RALGPS1: variants seen among roughly 807,000 people sequenced by gnomAD.
The protein encoded by RALGPS1 is ras-specific guanine nucleotide-releasing factor RalGPS1.
A neutral mutation model predicts 78.8 loss-of-function variants in RALGPS1; 19 were observed. The observed-to-expected ratio is 0.24, with a 90% CI of 0.17 to 0.35. RALGPS1 has a LOEUF of 0.35. Among genes scored for constraint, RALGPS1 ranks in the 10% least tolerant of loss-of-function variants. The pLI is 1.00. For synonymous variants in RALGPS1, 228 were observed against 256.3 expected, an observed-to-expected ratio of 0.89 and a Z score of 1.06; for missense variants, 454 against 688.3, an observed-to-expected ratio of 0.66 and a Z score of 3.81.
At chr9:126,935,654 G>A (rs2036187790) in intron 1 of RALGPS1, among the ~76,000 whole-genome samples, 1 of 152,160 alleles carries the variant, frequency 6.6e-6, no homozygotes, top group Non-Finnish European at 1.5e-5. Flanking sequence ...GAAGAAGCAC[G>A]TTTCCAAAAC....
At chr9:127,152,351 G>A (rs1368002391) in intron 8 of RALGPS1, among the ~76,000 whole-genome samples, 2 of 152,094 alleles carry the variant, frequency 1.3e-5, no homozygotes, top group South Asian at 4.2e-4. Context: ...TTCAGCTTTG[G>A]GGTTTATTAA....
At chr9:127,209,333 A>G (rs2062108411) in intron 14 of RALGPS1, among the ~76,000 whole-genome samples, 1 of 152,222 alleles carries the variant, frequency 6.6e-6, no homozygotes, top group African/African-American at 2.4e-5. Flanking sequence ...GTAACAGTGA[A>G]GTTGGTGACT....
intron 1 of RALGPS1, among the ~76,000 whole-genome samples, chr9:126,954,001 A>ATCCACACATGCCCAGCGCCC (rs1409527819): frequency 1.3e-5 from 2 of 152,136 alleles, no homozygotes; most frequent in African/African-American, 4.8e-5. Context: ...TCCCCTGTGC[A>ATCCACACATGCCCAGCGCCC]TCCACACATG....
At chr9:127,079,495 T>C (rs1261969730) in intron 8 of RALGPS1, 5 of 152,242 alleles carry the variant, frequency 3.3e-5, no homozygotes, top group Non-Finnish European at 7.3e-5. Context: ...CTAACAAATA[T>C]GACAGAAATA....
chr9:127,204,011 A>G (rs1185853730), intron 14 of RALGPS1, among the ~76,000 whole-genome samples: 2 of 152,158 alleles, frequency 1.3e-5, no homozygotes, highest in African/African-American at 2.4e-5. Context: ...ACAGCCAGCC[A>G]TGCGGGGGGA....
intron 4 of RALGPS1, 63 bp downstream of exon 4, chr9:126,977,808 G>C: frequency 8.1e-7 from 1 of 1,229,644 alleles, no homozygotes; most frequent in Non-Finnish European, 1.2e-6. Flanking sequence ...GATTTAGCCA[G>C]CCACTGTTAG....
At chr9:126,960,497 G>A (rs1366109682) in intron 1 of RALGPS1, among the ~76,000 whole-genome samples, 1 of 151,958 alleles carries the variant, frequency 6.6e-6, no homozygotes, top group Non-Finnish European at 1.5e-5. Flanking sequence ...GCCTCCCAAA[G>A]TGCTGGGATT....
intron 11 of RALGPS1, among the ~76,000 whole-genome samples, chr9:127,188,842 A>AAAAAAAAAAAAAAAAAG (rs2060845036): frequency 6.8e-6 from 1 of 147,978 alleles, no homozygotes; most frequent in African/African-American, 2.5e-5. Context: ...TAAAAAAAAA[A>AAAAAAAAAAAAAAAAAG]AAAAAAATGT....
rs1000606885 is a variant in RALGPS1, at chr9:127,122,153, C to T, written c.611-43916C>T. On this transcript the variant is annotated intron_variant, in intron 8 of 18. Transcript: ENST00000259351. The surrounding 1 kb of genome is among the most constrained non-coding windows in gnomAD (Gnocchi z 6.4). ...CACCAAATGTCCACAGGTTCTGCCC[C>T]GGACATGCCTCGTTTGGCTCCAAGC... 1.3e-5 allele frequency among the ~76,000 whole-genome samples: 2 copies of T among 152,186 alleles called. No individual in the cohort carries two copies. The highest frequency in any genetic ancestry group is 4.1e-4 in the South Asian group (2 of 4,830).
intron 8 of RALGPS1, among the ~76,000 whole-genome samples, chr9:127,099,804 T>C (rs1326490381): frequency 6.6e-6 from 1 of 152,152 alleles, no homozygotes; most frequent in Non-Finnish European, 1.5e-5. Context: ...AACCTCAGAG[T>C]TGATATCACA....
rs75761542 is a variant in RALGPS1, at chr9:127,136,502, T to A, written c.611-29567T>A. Among the ~76,000 whole-genome samples, 831 of 152,306 alleles carry A rather than the reference T, an allele frequency of 5.5e-3. 25 individuals carry two copies. In the East Asian group the frequency reaches 0.086, roughly 16 times the overall value. On this transcript the variant is annotated intron_variant, in intron 8 of 18. Transcript: ENST00000259351. ...GCAGAAGTGGAGTTTGCATGCCAGC[T>A]CCCTGCATGGGACTGTGTGCCTTGG...
chr9:127,084,712 A>G (rs946045718), intron 8 of RALGPS1, among the ~76,000 whole-genome samples: 20 of 152,292 alleles, frequency 1.3e-4, no homozygotes, highest in South Asian at 4.1e-4. Flanking sequence ...CCTTCTTTCT[A>G]TACTTCTCAC....
At chr9:127,057,422 A>G (rs1043874800) in intron 7 of RALGPS1, among the ~76,000 whole-genome samples, 1 of 152,234 alleles carries the variant, frequency 6.6e-6, no homozygotes, top group Non-Finnish European at 1.5e-5. Context: ...AGAATTGGCC[A>G]TTAAGCTAGG....
At chr9:126,951,233 AGAGGTACAAG>A (rs2037785980) in intron 1 of RALGPS1, among the ~76,000 whole-genome samples, 1 of 148,798 alleles carries the variant, frequency 6.7e-6, no homozygotes, top group Admixed American at 6.7e-5. Flanking sequence ...GAATTCTACC[AGAGGTACAAG>A]GAGGAACTGG....
intron 10 of RALGPS1, among the ~76,000 whole-genome samples, chr9:127,169,160 C>A (rs891460899): frequency 1.3e-5 from 2 of 152,240 alleles, no homozygotes; most frequent in Non-Finnish European, 2.9e-5. Context: ...GTGACTCCCC[C>A]ACCCACAGTG....
intron 8 of RALGPS1, among the ~76,000 whole-genome samples, chr9:127,136,736 G>A (rs1438459841): frequency 6.6e-6 from 1 of 152,030 alleles, no homozygotes; most frequent in Non-Finnish European, 1.5e-5. Context: ...GATCACGCAG[G>A]ACCTGGTGCA....
chr9:127,142,253 A>G (rs1482864188), intron 8 of RALGPS1, among the ~76,000 whole-genome samples: 3 of 152,206 alleles, frequency 2.0e-5, no homozygotes, highest in Admixed American at 6.5e-5. Context: ...ATGTATGGGA[A>G]GCCCTGGTCT....
intron 18 of RALGPS1, chr9:127,217,470 T>C (rs149064865): frequency 1.0e-6 from 1 of 981,766 alleles, no homozygotes; most frequent in Non-Finnish European, 1.2e-6. Context: ...GTGACTAGAG[T>C]GATTTTCTGT....
At chr9:127,125,431 G>A (rs371897727) in intron 8 of RALGPS1, among the ~76,000 whole-genome samples, 4 of 152,250 alleles carry the variant, frequency 2.6e-5, no homozygotes, top group African/African-American at 9.6e-5. Context: ...CACTAATCTC[G>A]GGCAACTTTC....
Sources: gnomAD v4.1 joint callset for allele counts (sites outside exome capture counted in the v4.1 genomes callset) on GRCh38, gnomAD v4.1.1 for gene constraint, Gnocchi (gnomAD v3.1) non-coding constraint, MANE v1.5 for transcripts, NCBI Gene and HGNC (gene_info 2026-07-23, HGNC 2026-07-21) for gene names.